ATAD2B: variants seen among roughly 807,000 people sequenced by gnomAD.
ATAD2B encodes the protein ATPase family AAA domain-containing protein 2B.
Under a neutral mutation model 167.6 loss-of-function variants are expected in ATAD2B, and 40 were observed. That is an observed-to-expected ratio of 0.24 (90% CI 0.19 to 0.31). ATAD2B has a LOEUF of 0.31. Among genes scored for constraint, ATAD2B ranks in the 10% least tolerant of loss-of-function variants. The probability of loss-of-function intolerance (pLI) is 1.00; values close to 1 mark genes in which losing one functional copy is unlikely to be tolerated. For synonymous variants in ATAD2B, 579 were observed against 596.5 expected (o/e 0.97, Z 0.43); for missense variants, 1,242 against 1,757.2 (o/e 0.71, Z 5.24).
chr2:23,704,612 C>A, the ATAD2B span, among the ~76,000 whole-genome samples: 1 of 152,150 alleles, frequency 6.6e-6, no homozygotes, highest in East Asian at 1.9e-4. Context: ...ACTAAAAATA[C>A]AAAAATTTGC....
chr2:23,896,867 T>G (rs886235306), intron 1 of ATAD2B, among the ~76,000 whole-genome samples: 2 of 152,242 alleles, frequency 1.3e-5, no homozygotes, highest in Non-Finnish European at 1.5e-5. Context: ...CCAGGTGCAG[T>G]GGCTCATGCA....
intron 15 of ATAD2B, among the ~76,000 whole-genome samples, chr2:23,825,192 C>A (rs1315527365): frequency 1.4e-5 from 2 of 147,842 alleles, no homozygotes; most frequent in Non-Finnish European, 3.0e-5. Flanking sequence ...AATCCTCCTG[C>A]CTCACCCTCC....
At chr2:23,921,143 T>C (rs1236301825) in intron 1 of ATAD2B, among the ~76,000 whole-genome samples, 1 of 134,530 alleles carries the variant, frequency 7.4e-6, no homozygotes, top group African/African-American at 2.8e-5. Context: ...GAAGCGGAGG[T>C]TGCAGTAAGC....
intron 1 of ATAD2B, among the ~76,000 whole-genome samples, chr2:23,920,934 G>A (rs529139441): frequency 1.3e-5 from 2 of 152,216 alleles, no homozygotes; most frequent in East Asian, 1.9e-4. Context: ...GCCGGATGTG[G>A]TGGCTCATGC....
At chr2:23,781,042 G>A (rs918457620) in intron 22 of ATAD2B, among the ~76,000 whole-genome samples, 2 of 151,928 alleles carry the variant, frequency 1.3e-5, no homozygotes, top group African/African-American at 4.8e-5. Context: ...GAGTGAAAAA[G>A]CGAAAAGTGG....
the ATAD2B span, among the ~76,000 whole-genome samples, chr2:23,714,137 G>C: frequency 7.2e-5 from 11 of 152,068 alleles, no homozygotes; most frequent in South Asian, 2.3e-3. Flanking sequence ...GGAATTCTGA[G>C]GTCAACACAT....
intron 7 of ATAD2B, 84 bp downstream of exon 7, chr2:23,880,553 ACT>A (rs1393655809): frequency 4.0e-6 from 3 of 747,322 alleles, no homozygotes; most frequent in African/African-American, 3.6e-5. Flanking sequence ...ATGGAGCGAG[ACT>A]CTGTCTCAAA....
chr2:23,765,633 T>TA lies in ATAD2B; in HGVS notation c.3134-6dup. 3 of 1,375,696 alleles carry TA rather than the reference T, an allele frequency of 2.2e-6. No homozygotes were observed. The highest frequency in any genetic ancestry group is 2.9e-6 in the Non-Finnish European group (3 of 1,051,014). 85.2% of individuals were successfully genotyped at this position (1,375,696 alleles called of 1,614,324 possible). On this transcript the variant is annotated splice_polypyrimidine_tract_variant and splice_region_variant and intron_variant, in intron 22 of 27. Transcript: ENST00000238789. The stretch of plus-strand genomic sequence containing the variant: ...CCCTGTGCCTAATTATTTTATCTGT[T>TA]AAAAAAGTTGGTATATATTTATTAT...
chr2:23,902,697 T>G (rs1264661278), intron 1 of ATAD2B, among the ~76,000 whole-genome samples: 1 of 152,166 alleles, frequency 6.6e-6, no homozygotes, highest in African/African-American at 2.4e-5. Context: ...AGGGAAATAA[T>G]TTCAGTTAAC....
At chr2:23,709,669 A>G in the ATAD2B span, among the ~76,000 whole-genome samples, 2 of 151,798 alleles carry the variant, frequency 1.3e-5, no homozygotes, top group Non-Finnish European at 2.9e-5. Context: ...GGTGGTGGTC[A>G]GGGTAGGCGA....
chr2:23,710,117 AT>A, the ATAD2B span, among the ~76,000 whole-genome samples: 4 of 152,034 alleles, frequency 2.6e-5, no homozygotes, highest in Non-Finnish European at 5.9e-5. Context: ...CATGTGTATG[AT>A]TTTTTTTAAA....
At chr2:23,694,084 G>T in the ATAD2B span, among the ~76,000 whole-genome samples, 9 of 152,210 alleles carry the variant, frequency 5.9e-5, no homozygotes, top group African/African-American at 2.4e-5. Context: ...ACAGCCACAA[G>T]TCCCTATGAC....
chr2:23,918,048 AAAAAAAAG>A (rs1219155479), intron 1 of ATAD2B, among the ~76,000 whole-genome samples: 2 of 117,536 alleles, frequency 1.7e-5, no homozygotes, highest in Admixed American at 8.3e-5. Context: ...ACTCCATCTC[AAAAAAAAG>A]AAAAAAAGAA....
the ATAD2B span, among the ~76,000 whole-genome samples, chr2:23,741,966 C>T: frequency 4.6e-5 from 7 of 152,204 alleles, 1 homozygote; most frequent in Admixed American, 2.0e-4. Flanking sequence ...CTCATCATCA[C>T]TGGCCATCAG....
At chr2:23,760,762 ACACACAC>A (rs1179300974) in intron 24 of ATAD2B, among the ~76,000 whole-genome samples, 8 of 119,890 alleles carry the variant, frequency 6.7e-5, no homozygotes, top group East Asian at 5.0e-4. Context: ...ACACACACAC[ACACACAC>A]ACCACTTCCT....
At chr2:23,915,948 C>A (rs1307050918) in intron 1 of ATAD2B, among the ~76,000 whole-genome samples, 3 of 152,114 alleles carry the variant, frequency 2.0e-5, no homozygotes, top group African/African-American at 7.2e-5. Flanking sequence ...GAAATATAAA[C>A]CACAAAAATA....
chr2:23,758,650 T>A (rs1185524502), intron 24 of ATAD2B, among the ~76,000 whole-genome samples: 1 of 152,202 alleles, frequency 6.6e-6, no homozygotes, highest in East Asian at 1.9e-4. Flanking sequence ...AGTATGACCA[T>A]GGATAGATGC....
chr2:23,700,483 T>C, the ATAD2B span, among the ~76,000 whole-genome samples: 2 of 152,158 alleles, frequency 1.3e-5, no homozygotes, highest in African/African-American at 2.4e-5. This position sits in a 1 kb window ranked among gnomAD's most constrained non-coding sequence, Gnocchi z 4.6. Context: ...CCACAGCACA[T>C]CTCTTTCCAA....
At chr2:23,779,309 G>A (rs948448225) in intron 22 of ATAD2B, among the ~76,000 whole-genome samples, 1 of 151,178 alleles carries the variant, frequency 6.6e-6, no homozygotes, top group Non-Finnish European at 1.5e-5. Flanking sequence ...CTGAGTAGCT[G>A]TGACTATAGG....
Sources: gnomAD v4.1 joint callset for allele counts (sites outside exome capture counted in the v4.1 genomes callset) on GRCh38, gnomAD v4.1.1 for gene constraint, Gnocchi (gnomAD v3.1) non-coding constraint, MANE v1.5 for transcripts, NCBI Gene and HGNC (gene_info 2026-07-23, HGNC 2026-07-21) for gene names.